CSMD2: variants seen among roughly 807,000 people sequenced by gnomAD.
The protein encoded by CSMD2 is CUB and Sushi multiple domains 2.
In CSMD2, 130 loss-of-function variants were observed where a neutral mutation model predicts 398.5. That is an observed-to-expected ratio of 0.33 (90% confidence interval 0.28 to 0.38). The LOEUF (loss-of-function observed/expected upper bound fraction) is 0.38. CSMD2 is among the 10% of genes least tolerant of loss of function. The pLI, the probability that CSMD2 is intolerant of heterozygous loss-of-function variation, is 1.00. For missense variants in CSMD2, 3,829 were observed against 4,764.9 expected (o/e 0.80, Z 5.78); for synonymous variants, 1,828 against 1,908.5 (o/e 0.96, Z 1.10).
At chr1:33,920,610 G>C (rs963487906) in intron 4 of CSMD2, among the ~76,000 whole-genome samples, 2 of 151,962 alleles carry the variant, frequency 1.3e-5, no homozygotes, top group South Asian at 2.1e-4. Flanking sequence ...GAAAGTGGCA[G>C]GGGAGGCAGG....
intron 3 of CSMD2, among the ~76,000 whole-genome samples, chr1:33,998,446 C>T (rs531745896): frequency 3.3e-5 from 5 of 152,338 alleles, no homozygotes; most frequent in African/African-American, 9.6e-5. Flanking sequence ...GCAAAATGAC[C>T]AGTCTGTAGT....
At chr1:33,978,391 A>G (rs1278716230) in intron 3 of CSMD2, among the ~76,000 whole-genome samples, 7 of 152,266 alleles carry the variant, frequency 4.6e-5, no homozygotes, top group Non-Finnish European at 4.4e-5. Context: ...ATCTCTGGGG[A>G]TTCGGTGCTG....
intron 1 of CSMD2, among the ~76,000 whole-genome samples, chr1:34,135,749 T>C (rs1222194268): frequency 2.0e-5 from 3 of 151,968 alleles, no homozygotes; most frequent in African/African-American, 7.2e-5. Flanking sequence ...AAGAGACATT[T>C]CTAAGAGAAA....
rs749021304 is a variant in CSMD2 at position 33,986,873 on chromosome 1, T to C, written c.517+45721A>G. 2.0e-4 allele frequency among the ~76,000 whole-genome samples: 31 copies of C among 152,128 alleles called. 1 individual carries two copies. Among genetic ancestry groups the C allele is most frequent in the African/African-American group, 6.5e-4 (27 of 41,416 alleles). On this transcript the variant is annotated intron_variant, in intron 3 of 70. Coordinates refer to ENST00000373381, the MANE Select transcript of CSMD2 (RefSeq NM_001281956.2). The stretch of plus-strand genomic sequence containing the variant: ...CAAGGCACGGACATGCAGCCCCTGA[T>C]TGCAATGTGGCACAGTAGGTGCAAG...
At position 34,148,632 on chromosome 1, in the gene CSMD2, G is replaced by A. The variant is rs145654963; in HGVS notation, c.187+16279C>T. ...GGGGCACAGACTCATCAGGACAAAG[G>A]GGCAGGAGAGCTGCATGCTCTGAGC... On this transcript the variant is annotated intron_variant, in intron 1 of 70. Coordinates refer to ENST00000373381, the MANE Select transcript of CSMD2 (RefSeq NM_001281956.2). Among the ~76,000 whole-genome samples the A allele has an allele frequency of 2.6e-3, 401 of 152,300 alleles. 4 individuals carry two copies. Among genetic ancestry groups the A allele is most frequent in the African/African-American group, 8.9e-3 (370 of 41,564 alleles).
At chr1:33,909,845 C>T (rs1643350722) in intron 5 of CSMD2, among the ~76,000 whole-genome samples, 1 of 152,180 alleles carries the variant, frequency 6.6e-6, no homozygotes. Flanking sequence ...TGTCCCAGCA[C>T]ATCCAGCCTT....
chr1:33,600,024 C>T, intron 44 of CSMD2: 1 of 624,138 alleles, frequency 1.6e-6, no homozygotes. Flanking sequence ...CTTCCTTTGC[C>T]CTATTTCTTC....
intron 32 of CSMD2, among the ~76,000 whole-genome samples, chr1:33,628,444 G>A (rs933506039): frequency 3.9e-5 from 6 of 152,068 alleles, no homozygotes; most frequent in Non-Finnish European, 5.9e-5. Context: ...TGAGGCGGGC[G>A]GATCACCTGA....
intron 1 of CSMD2, among the ~76,000 whole-genome samples, chr1:34,128,093 T>C (rs187287648): frequency 6.6e-6 from 1 of 151,916 alleles, no homozygotes; most frequent in Admixed American, 6.6e-5. Flanking sequence ...ACCGACGCCC[T>C]GACCTCAGTT....
At chr1:33,704,158 C>A (rs1482420243) in intron 22 of CSMD2, among the ~76,000 whole-genome samples, 1 of 152,142 alleles carries the variant, frequency 6.6e-6, no homozygotes, top group Non-Finnish European at 1.5e-5. Context: ...GACTTTCCCT[C>A]CTGATTGCAA....
intron 25 of CSMD2, among the ~76,000 whole-genome samples, chr1:33,681,971 A>G (rs931257190): frequency 1.3e-5 from 2 of 152,176 alleles, no homozygotes; most frequent in Non-Finnish European, 2.9e-5. Context: ...AAATCAAACA[A>G]ACAAACAAAC....
chr1:34,153,349 C>T (rs1640506667), intron 1 of CSMD2, among the ~76,000 whole-genome samples: 1 of 152,194 alleles, frequency 6.6e-6, no homozygotes, highest in Non-Finnish European at 1.5e-5. Flanking sequence ...GCATGATGTC[C>T]TCAAGGTTCA....
chr1:33,764,883 G>A (rs1650291465), intron 13 of CSMD2, among the ~76,000 whole-genome samples: 1 of 152,198 alleles, frequency 6.6e-6, no homozygotes, highest in Non-Finnish European at 1.5e-5. Flanking sequence ...GGAACACTAG[G>A]TTTCAGCCAT....
At chr1:34,059,973 T>A (rs1367012341) in intron 2 of CSMD2, among the ~76,000 whole-genome samples, 1 of 152,162 alleles carries the variant, frequency 6.6e-6, no homozygotes, top group Non-Finnish European at 1.5e-5. Context: ...TAGGGTCACC[T>A]CTGGCCTGAC....
At chr1:33,699,910 T>C (rs1645549485) in intron 23 of CSMD2, among the ~76,000 whole-genome samples, 1 of 152,222 alleles carries the variant, frequency 6.6e-6, no homozygotes, top group Non-Finnish European at 1.5e-5. Flanking sequence ...ACAGTTCATA[T>C]GATGGAGCTC....
chr1:33,973,818 G>A (rs900739144), intron 3 of CSMD2, among the ~76,000 whole-genome samples: 7 of 152,270 alleles, frequency 4.6e-5, no homozygotes, highest in African/African-American at 1.4e-4. Flanking sequence ...TTTGGGGAAT[G>A]GGGAGTGACC....
At chr1:34,003,584 C>T (rs1427541943) in intron 3 of CSMD2, among the ~76,000 whole-genome samples, 1 of 152,182 alleles carries the variant, frequency 6.6e-6, no homozygotes, top group African/African-American at 2.4e-5. Context: ...CAGGAGGATG[C>T]AGTCTCTCTC....
At chr1:34,132,397 C>T (rs1167281536) in intron 1 of CSMD2, among the ~76,000 whole-genome samples, 1 of 152,078 alleles carries the variant, frequency 6.6e-6, no homozygotes, top group Non-Finnish European at 1.5e-5. Flanking sequence ...TCTATCACCC[C>T]TCTTCTTCTG....
chr1:33,780,853 C>T (rs962819476), intron 12 of CSMD2, among the ~76,000 whole-genome samples: 2 of 152,136 alleles, frequency 1.3e-5, no homozygotes, highest in Non-Finnish European at 2.9e-5. Context: ...ACATTCTTGG[C>T]CAAAGTTGGA....
Sources: allele counts gnomAD v4.1 joint callset (sites outside exome capture counted in the v4.1 genomes callset), GRCh38; gene constraint gnomAD v4.1.1; transcripts MANE v1.5; gene names NCBI Gene and HGNC (gene_info 2026-07-23, HGNC 2026-07-21).